Variants in CADM2 observed in about 807,000 individuals in gnomAD.
CADM2 encodes cell adhesion molecule 2, also known as immunoglobulin superfamily member 4D.
CADM2 carries 12 observed loss-of-function variants against 49.8 expected under a neutral mutation model. That is an observed-to-expected ratio of 0.24 (90% CI 0.15 to 0.39). The LOEUF is 0.39. Ranked by LOEUF, CADM2 falls within the 10% of genes least tolerant of loss-of-function variation. The pLI, the probability that CADM2 is intolerant of heterozygous loss-of-function variation, is 1.00. For missense variants in CADM2, 378 were observed against 492.3 expected (o/e 0.77, Z 2.20); for synonymous variants, 214 against 175.4 (o/e 1.22, Z -1.74).
chr3:85,617,976 T>C (rs1462214122), intron 1 of CADM2, among the ~76,000 whole-genome samples: 1 of 152,190 alleles, frequency 6.6e-6, no homozygotes, highest in African/African-American at 2.4e-5. Context: ...CTTTCAACTC[T>C]GCTCATCTCC....
At chr3:85,295,742 A>G (rs2043943689) in intron 1 of CADM2, among the ~76,000 whole-genome samples, 1 of 152,028 alleles carries the variant, frequency 6.6e-6, no homozygotes, top group African/African-American at 2.4e-5. Flanking sequence ...TCACATGGAC[A>G]CAGGAAGGGG....
intron 5 of CADM2, among the ~76,000 whole-genome samples, chr3:85,902,112 A>G (rs1716205955): frequency 6.6e-6 from 1 of 152,066 alleles, no homozygotes; most frequent in Non-Finnish European, 1.5e-5. Flanking sequence ...GGTTTTGTGT[A>G]GAAATATGCT....
At chr3:85,485,213 C>A (rs1318861826) in intron 1 of CADM2, among the ~76,000 whole-genome samples, 1 of 151,464 alleles carries the variant, frequency 6.6e-6, no homozygotes, top group African/African-American at 2.4e-5. Flanking sequence ...TAGTAGGTAC[C>A]TTTTATTCAC....
chr3:85,157,606 A>C (rs1365929805), intron 1 of CADM2, among the ~76,000 whole-genome samples: 1 of 152,194 alleles, frequency 6.6e-6, no homozygotes, highest in Non-Finnish European at 1.5e-5. Context: ...TCCCTATTTA[A>C]TAAATGGTGC....
chr3:85,933,306 G>A (rs1720820883), intron 6 of CADM2, among the ~76,000 whole-genome samples: 1 of 151,228 alleles, frequency 6.6e-6, no homozygotes, highest in African/African-American at 2.4e-5. Context: ...TGCCCATCAA[G>A]TAAGGTAACT....
intron 1 of CADM2, among the ~76,000 whole-genome samples, chr3:85,227,748 T>C (rs966898250): frequency 2.0e-5 from 3 of 152,190 alleles, no homozygotes; most frequent in Admixed American, 6.5e-5. Context: ...CTTTACAATT[T>C]AGCATGTTAT....
At chr3:85,976,489 CT>C (rs141875430) in intron 8 of CADM2, among the ~76,000 whole-genome samples, 3,070 of 151,632 alleles carry the variant, frequency 0.02, 44 homozygotes, top group Middle Eastern at 0.072. Context: ...GTTATTTTAA[CT>C]TTTACTATTT....
Position 86,072,911 on chromosome 3 carries a change from A to C in CADM2, c.*6128A>C, listed in dbSNP as rs1703366780. On this transcript the variant is annotated 3_prime_UTR_variant, in exon 10 of 10. Transcript: ENST00000383699. ...CAAAGCTAGTACTCTTTCTCCTTAT[A>C]AATGTACACAATTTTAATCTTTTTA... is the stretch of plus-strand genomic sequence containing the variant. The C allele has an allele frequency of 6.6e-6, 1 of 152,112 alleles. No individual in the cohort carries two copies. The highest frequency in any genetic ancestry group is 1.5e-5 in the Non-Finnish European group (1 of 67,980). 9.4% of individuals were successfully genotyped at this position (152,112 alleles called of 1,614,324 possible). A position where few individuals can be genotyped will look rare whatever the true frequency, so the allele number is the denominator to read the frequency against.
At chr3:85,599,844 A>T (rs1053640186) in intron 1 of CADM2, among the ~76,000 whole-genome samples, 5 of 151,942 alleles carry the variant, frequency 3.3e-5, no homozygotes, top group African/African-American at 1.2e-4. Flanking sequence ...TCAGTATTTG[A>T]GTCTAATGCA....
In CADM2 at chr3:85,797,038, G is replaced by C. The variant is rs139856211; in HGVS notation, c.89-5009G>C. Among the ~76,000 whole-genome samples the C allele has an allele frequency of 6.9e-3, 1,026 of 149,290 alleles. 6 individuals carry two copies. Among genetic ancestry groups the C allele is most frequent in the Non-Finnish European group, 0.012 (782 of 67,694 alleles). ...GAACTCAGGAGGCGGAGGTTGCAGTGAGCCAAGATTACGCCACTGCACTCC... is the reference window on the plus strand; with the variant it reads ...GAACTCAGGAGGCGGAGGTTGCAGTCAGCCAAGATTACGCCACTGCACTCC... On this transcript the variant is annotated intron_variant, in intron 2 of 9. Transcript: ENST00000383699.
At chr3:85,937,973 C>A (rs1721384164) in intron 7 of CADM2, among the ~76,000 whole-genome samples, 1 of 151,914 alleles carries the variant, frequency 6.6e-6, no homozygotes, top group African/African-American at 2.4e-5. Context: ...TAACTGATTT[C>A]TTGTATTATA....
chr3:85,859,995 A>G (rs1427278808), intron 3 of CADM2, among the ~76,000 whole-genome samples: 1 of 152,152 alleles, frequency 6.6e-6, no homozygotes, highest in Non-Finnish European at 1.5e-5. Context: ...AATTTTGAAA[A>G]CATAACCTAT....
intron 1 of CADM2, among the ~76,000 whole-genome samples, chr3:85,112,607 T>G (rs1029362549): frequency 2.0e-5 from 3 of 151,850 alleles, no homozygotes; most frequent in Non-Finnish European, 2.9e-5. Flanking sequence ...ATTACAAAAA[T>G]TCTTCAGTAC....
chr3:85,430,446 A>G (rs2036606488), intron 1 of CADM2, among the ~76,000 whole-genome samples: 1 of 152,102 alleles, frequency 6.6e-6, no homozygotes, highest in Non-Finnish European at 1.5e-5. Context: ...TGAGCCCCAT[A>G]GTTAGAGGTT....
At chr3:85,562,794 C>T (rs1167416441) in intron 1 of CADM2, among the ~76,000 whole-genome samples, 1 of 152,122 alleles carries the variant, frequency 6.6e-6, no homozygotes, top group Non-Finnish European at 1.5e-5. Context: ...ATTGCACTTA[C>T]CTGACCCATT....
At chr3:85,818,065 T>G (rs886672363) in intron 3 of CADM2, among the ~76,000 whole-genome samples, 2 of 152,132 alleles carry the variant, frequency 1.3e-5, no homozygotes, top group Non-Finnish European at 2.9e-5. Context: ...CAAAAATGGC[T>G]GTGTTGTGGG....
chr3:85,927,842 A>AT (rs62793561), intron 6 of CADM2, among the ~76,000 whole-genome samples: 88 of 152,054 alleles, frequency 5.8e-4, no homozygotes, highest in Non-Finnish European at 8.7e-4. Flanking sequence ...TTTTTATTTT[A>AT]TTTTTTTCCT....
intron 1 of CADM2, among the ~76,000 whole-genome samples, chr3:85,220,087 C>A (rs72913073): frequency 0.066 from 9,994 of 151,966 alleles, 1,083 homozygotes; most frequent in African/African-American, 0.23. Flanking sequence ...GTTTTCCATA[C>A]CTCTGAAATA....
chr3:85,806,144 G>T (rs2072399051), intron 3 of CADM2, among the ~76,000 whole-genome samples: 1 of 143,368 alleles, frequency 7.0e-6, no homozygotes, highest in African/African-American at 2.5e-5. Context: ...AAATGTTACT[G>T]AGCATGGAAG....
Sources: allele counts gnomAD v4.1 joint callset (sites outside exome capture counted in the v4.1 genomes callset), GRCh38; gene constraint gnomAD v4.1.1; transcripts MANE v1.5; gene names NCBI Gene and HGNC (gene_info 2026-07-23, HGNC 2026-07-21).